Variants in MEMO1 observed in about 807,000 individuals in gnomAD.
The protein encoded by MEMO1 is protein MEMO1.
In MEMO1, 6 loss-of-function variants were observed where a neutral mutation model predicts 45.2. That is an observed-to-expected ratio of 0.13 (90% CI 0.07 to 0.26). The LOEUF (loss-of-function observed/expected upper bound fraction) is 0.26. MEMO1 is among the 10% of genes least tolerant of loss of function. The probability of loss-of-function intolerance (pLI) is 1.00; values close to 1 mark genes in which losing one functional copy is unlikely to be tolerated. For synonymous variants in MEMO1, 78 were observed against 124.3 expected (o/e 0.63, Z 2.48); for missense variants, 184 against 370.5 (o/e 0.50, Z 4.13).
At chr2:31,957,290 A>G (rs1284750583) in intron 2 of MEMO1, among the ~76,000 whole-genome samples, 1 of 152,198 alleles carries the variant, frequency 6.6e-6, no homozygotes, top group East Asian at 1.9e-4. Context: ...ATTAAGTAAT[A>G]AAAAATATGG....
chr2:31,961,851 T>G (rs1298916131), intron 2 of MEMO1, among the ~76,000 whole-genome samples: 1 of 151,990 alleles, frequency 6.6e-6, no homozygotes, highest in Non-Finnish European at 1.5e-5. Context: ...AGTTTATAAA[T>G]AAACCAAAAA....
chr2:31,988,690 A>G (rs1338967584), intron 2 of MEMO1, among the ~76,000 whole-genome samples: 1 of 152,240 alleles, frequency 6.6e-6, no homozygotes, highest in East Asian at 1.9e-4. Flanking sequence ...TCACTTAAGA[A>G]TGTCCTTGAT....
chr2:31,968,771 T>C (rs970746234), intron 2 of MEMO1, among the ~76,000 whole-genome samples: 3 of 152,170 alleles, frequency 2.0e-5, no homozygotes, highest in Admixed American at 6.6e-5. Flanking sequence ...TCATTCAAAT[T>C]TGTCATTGTT....
intron 4 of MEMO1, among the ~76,000 whole-genome samples, chr2:31,928,852 A>C (rs1192495088): frequency 6.6e-6 from 1 of 152,136 alleles, no homozygotes; most frequent in Non-Finnish European, 1.5e-5. Context: ...TAGTCAATGC[A>C]CTATCAGAAA....
At chr2:31,969,548 T>C (rs1455872796) in intron 2 of MEMO1, among the ~76,000 whole-genome samples, 1 of 151,666 alleles carries the variant, frequency 6.6e-6, no homozygotes, top group East Asian at 1.9e-4. Context: ...TTTATATTTA[T>C]CTATACTTTC....
chr2:31,878,918 T>A (rs542658010), intron 8 of MEMO1, among the ~76,000 whole-genome samples: 1 of 152,252 alleles, frequency 6.6e-6, no homozygotes, highest in South Asian at 2.1e-4. Flanking sequence ...ACAAGAAAGG[T>A]TAAACCGAGG....
Position 31,868,350 on chromosome 2 carries a change from G to A in MEMO1, c.*11C>T, listed in dbSNP as rs751927794. 1.1e-5 allele frequency: 17 copies of A among 1,535,320 alleles called. No individual in the cohort carries two copies. The Admixed American group carries it at 1.9e-4, about 17-fold the overall frequency. The stretch of plus-strand genomic sequence containing the variant: ...AGAATGTGCAGGTGGCATCCCTGAG[G>A]ATTCAGAGCTTCAGTGGACCGTGAG... On this transcript the variant is annotated 3_prime_UTR_variant, in exon 10 of 10. Transcript: ENST00000404530.
At chr2:31,905,025 G>T (rs1679457023) in intron 6 of MEMO1, among the ~76,000 whole-genome samples, 1 of 152,198 alleles carries the variant, frequency 6.6e-6, no homozygotes, top group African/African-American at 2.4e-5. Context: ...CTTGAGCCCA[G>T]GAGTTCAAGA....
chr2:31,992,790 A>T lies in MEMO1; in HGVS notation c.61+17397T>A, dbSNP rs11895143. ...CAGAGTGAGACTCCGTCTCAAATTT[A>T]AAAAAAAAATGAATTAATAAAATAA... On this transcript the variant is annotated intron_variant, in intron 2 of 9. Coordinates refer to ENST00000404530, the MANE Select transcript of MEMO1 (RefSeq NM_001301833.4). Among the ~76,000 whole-genome samples, 235 of 150,714 alleles carry T rather than the reference A, an allele frequency of 1.6e-3. 2 individuals are homozygous for T. Among genetic ancestry groups the T allele is most frequent in the Middle Eastern group, 3.4e-3 (1 of 292 alleles).
chr2:31,967,346 G>A (rs1039855570), intron 2 of MEMO1, among the ~76,000 whole-genome samples: 3 of 151,948 alleles, frequency 2.0e-5, no homozygotes, highest in Non-Finnish European at 4.4e-5. Context: ...AGGATGTCTC[G>A]ATCTCCTGAC....
intron 2 of MEMO1, among the ~76,000 whole-genome samples, chr2:31,951,183 G>T (rs1274240685): frequency 6.6e-6 from 1 of 152,188 alleles, no homozygotes. Context: ...AAGGGGTGAT[G>T]TTGTGTAGTC....
At chr2:31,967,402 G>A (rs1411593420) in intron 2 of MEMO1, among the ~76,000 whole-genome samples, 2 of 152,164 alleles carry the variant, frequency 1.3e-5, no homozygotes, top group Non-Finnish European at 2.9e-5. Flanking sequence ...GGGATTACAG[G>A]CGTGAGCCAC....
intron 6 of MEMO1, among the ~76,000 whole-genome samples, chr2:31,908,637 T>A (rs1680113196): frequency 6.6e-6 from 1 of 152,144 alleles, no homozygotes; most frequent in African/African-American, 2.4e-5. Context: ...TGGACTACCC[T>A]GAGAGATACA....
intron 6 of MEMO1, among the ~76,000 whole-genome samples, chr2:31,895,738 C>A (rs13015829): frequency 2.6e-5 from 4 of 151,188 alleles, no homozygotes; most frequent in Admixed American, 2.6e-4. Flanking sequence ...ACCTACAGAT[C>A]TAAGAAATTC....
intron 2 of MEMO1, among the ~76,000 whole-genome samples, chr2:31,990,505 G>A (rs1671814502): frequency 1.3e-5 from 2 of 151,310 alleles, no homozygotes; most frequent in South Asian, 2.1e-4. Context: ...AGGCTCGAGT[G>A]CAGTGGCATG....
chr2:31,931,682 T>C (rs1426307194), intron 4 of MEMO1, among the ~76,000 whole-genome samples: 4 of 152,160 alleles, frequency 2.6e-5, no homozygotes, highest in Admixed American at 6.6e-5. Flanking sequence ...CGAGAAATTA[T>C]CCTTTCAGTA....
At chr2:32,009,903 G>A (rs1240248048) in intron 2 of MEMO1, among the ~76,000 whole-genome samples, 9 of 151,958 alleles carry the variant, frequency 5.9e-5, no homozygotes, top group Non-Finnish European at 2.9e-5. Flanking sequence ...GGTCCTGAGG[G>A]AGGGCGCAGG....
At chr2:31,928,500 T>C (rs571791725) in intron 4 of MEMO1, among the ~76,000 whole-genome samples, 2 of 147,886 alleles carry the variant, frequency 1.4e-5, no homozygotes, top group South Asian at 2.1e-4. Flanking sequence ...TGAGCCAAGA[T>C]TGCGCCACTA....
chr2:31,880,064 G>T (rs920297346), intron 8 of MEMO1, among the ~76,000 whole-genome samples: 1 of 152,084 alleles, frequency 6.6e-6, no homozygotes, highest in Non-Finnish European at 1.5e-5. Context: ...TGGCTTCTTT[G>T]TAAGTATGTT....
Sources: gnomAD v4.1 joint callset for allele counts (sites outside exome capture counted in the v4.1 genomes callset) on GRCh38, gnomAD v4.1.1 for gene constraint, MANE v1.5 for transcripts, NCBI Gene and HGNC (gene_info 2026-07-23, HGNC 2026-07-21) for gene names.